Variants in GNL3L observed in about 807,000 individuals in gnomAD.
GNL3L encodes the protein guanine nucleotide-binding protein-like 3-like protein.
Under a neutral mutation model 42.9 loss-of-function variants are expected in GNL3L, and 4 were observed. That is an observed-to-expected ratio of 0.09 (90% confidence interval 0.05 to 0.21). The LOEUF is 0.21. GNL3L is among the 10% of genes least tolerant of loss of function. The pLI is 1.00. For synonymous variants in GNL3L, 159 were observed against 176.3 expected (o/e 0.90, Z 0.78); for missense variants, 412 against 481.7 (o/e 0.86, Z 1.36).
At chrX:54,607,113 C>CTTTCTTTCTTTCT (rs1926105276) in intron 16 of GNL3L, among the ~76,000 whole-genome samples, 2 of 71,873 alleles carry the variant, frequency 2.8e-5, no homozygotes, top group South Asian at 7.2e-4. Context: ...TTCTTTCTTT[C>CTTTCTTTCTTTCT]TTTCTTTCTT....
chrX:54,592,551 C>T (rs1041006506), intron 16 of GNL3L, among the ~76,000 whole-genome samples: 1 of 111,775 alleles, frequency 8.9e-6, no homozygotes, highest in Non-Finnish European at 1.9e-5. Flanking sequence ...CGCAGTGGCT[C>T]ATGCCTGTAA....
intron 5 of GNL3L, 53 bp from the exon 6 acceptor site, chrX:54,542,902 C>G (rs1382608248): frequency 5.3e-6 from 4 of 761,178 alleles, no homozygotes; most frequent in Non-Finnish European, 8.1e-6. Flanking sequence ...GCTTCTCTTT[C>G]TCGCTCTCTC....
At chrX:54,619,827 G>A (rs1175597640) in intron 16 of GNL3L, among the ~76,000 whole-genome samples, 3 of 111,809 alleles carry the variant, frequency 2.7e-5, no homozygotes, top group Non-Finnish European at 5.6e-5. Flanking sequence ...AGCATTGCTA[G>A]AGGATGATGC....
chrX:54,642,153 A>G, the GNL3L span, among the ~76,000 whole-genome samples: 7 of 111,593 alleles, frequency 6.3e-5, no homozygotes, highest in Non-Finnish European at 1.1e-4. Flanking sequence ...GTTTAATTTA[A>G]TTTGCACTTC....
intron 16 of GNL3L, among the ~76,000 whole-genome samples, chrX:54,589,135 C>A (rs1925832296): frequency 9.0e-6 from 1 of 111,212 alleles, no homozygotes; most frequent in East Asian, 2.8e-4. Context: ...AGGTATTCAT[C>A]CCCTCAAACA....
At chrX:54,594,854 C>T (rs1391563770) in intron 16 of GNL3L, among the ~76,000 whole-genome samples, 1 of 111,665 alleles carries the variant, frequency 9.0e-6, no homozygotes, top group Non-Finnish European at 1.9e-5. Flanking sequence ...CTGATAACAA[C>T]TTAACACTGT....
At chrX:54,637,529 C>G in the GNL3L span, among the ~76,000 whole-genome samples, 1 of 111,916 alleles carries the variant, frequency 8.9e-6, no homozygotes, top group African/African-American at 3.3e-5. Context: ...GAATGTTATG[C>G]CAGTAGTTCC....
At chrX:54,550,555 CAG>C (rs1924908061) in intron 9 of GNL3L, among the ~76,000 whole-genome samples, 2 of 111,218 alleles carry the variant, frequency 1.8e-5, no homozygotes, top group Non-Finnish European at 3.8e-5. Flanking sequence ...GACAGCTGCA[CAG>C]AGAGACTGGC....
chrX:54,639,501 G>C, the GNL3L span, among the ~76,000 whole-genome samples: 12 of 111,708 alleles, frequency 1.1e-4, no homozygotes, highest in Non-Finnish European at 2.1e-4. Context: ...CTCACTCTTG[G>C]AGCGGGGAGG....
At chrX:54,609,647 T>A (rs1392393137) in intron 16 of GNL3L, among the ~76,000 whole-genome samples, 1 of 111,967 alleles carries the variant, frequency 8.9e-6, no homozygotes, top group Non-Finnish European at 1.9e-5. Flanking sequence ...TTGTTGAAGA[T>A]CAGTTGGCTG....
intron 7 of GNL3L, 74 bp downstream of exon 7, chrX:54,543,416 A>C: frequency 9.6e-7 from 1 of 1,046,279 alleles, no homozygotes. Flanking sequence ...TGGACCAGAC[A>C]CTGAACCCAG....
At chrX:54,576,206 A>G (rs1295470292) in intron 16 of GNL3L, among the ~76,000 whole-genome samples, 1 of 112,118 alleles carries the variant, frequency 8.9e-6, no homozygotes, top group African/African-American at 3.2e-5. Context: ...AAAATCTGTT[A>G]GATGGGTTTA....
At chrX:54,550,920 T>C in intron 9 of GNL3L, 43 bp from the exon 10 acceptor site, 1 of 711,964 alleles carries the variant, frequency 1.4e-6, no homozygotes, top group South Asian at 2.2e-5. Flanking sequence ...TGAGTGTTCC[T>C]GAGGGCCTCT....
chrX:54,640,157 T>C, the GNL3L span, among the ~76,000 whole-genome samples: 1 of 110,657 alleles, frequency 9.0e-6, no homozygotes, highest in Non-Finnish European at 1.9e-5. Context: ...AGAGAAAGAG[T>C]TGTGGGTGAT....
intron 14 of GNL3L, among the ~76,000 whole-genome samples, chrX:54,557,197 G>A (rs1224953386): frequency 9.2e-6 from 1 of 109,057 alleles, no homozygotes; most frequent in Non-Finnish European, 1.9e-5. Flanking sequence ...AAAAAAGATG[G>A]AATGGAGTCA....
chrX:54,554,329 T>TC (rs995094943), intron 13 of GNL3L, among the ~76,000 whole-genome samples: 5 of 111,738 alleles, frequency 4.5e-5, no homozygotes, highest in Middle Eastern at 4.6e-3. Context: ...CTTGTGGAAT[T>TC]CCCATTTTCC....
chrX:54,633,202 C>T, the GNL3L span, among the ~76,000 whole-genome samples: 2 of 111,697 alleles, frequency 1.8e-5, no homozygotes, highest in African/African-American at 6.5e-5. Context: ...TTTCTCAAAT[C>T]CTGTTTATGC....
chrX:54,573,701 T>C lies in GNL3L; in HGVS notation c.*45+13054T>C, dbSNP rs150312419. On this transcript the variant is annotated intron_variant, in intron 16 of 16. Coordinates refer to the GNL3L transcript ENST00000674498. ...TTCATCTCTAGAAATTAAATTTGGG[T>C]GTTTGAAAATATTTTTTATTCCTCT... Among the ~76,000 whole-genome samples the C allele has an allele frequency of 2.2e-4, 24 of 111,572 alleles. 1 individual carries two copies. In the Admixed American group the frequency reaches 2.3e-3, roughly 11 times the overall value.
intron 9 of GNL3L, among the ~76,000 whole-genome samples, chrX:54,549,716 T>C (rs1008017019): frequency 8.9e-6 from 1 of 112,038 alleles, no homozygotes; most frequent in Non-Finnish European, 1.9e-5. Flanking sequence ...AGACTCCGTC[T>C]CAAAAAAAAG....
Sources: gnomAD v4.1 joint callset for allele counts (sites outside exome capture counted in the v4.1 genomes callset) on GRCh38, gnomAD v4.1.1 for gene constraint, MANE v1.5 for transcripts, NCBI Gene and HGNC (gene_info 2026-07-23, HGNC 2026-07-21) for gene names.